Variants in DCP1A observed in about 807,000 individuals in gnomAD.
DCP1A encodes decapping mRNA 1A.
DCP1A carries 20 observed loss-of-function variants against 58.0 expected under a neutral mutation model. The observed-to-expected ratio is 0.34, with a 90% CI of 0.24 to 0.50. DCP1A has a LOEUF of 0.50. Ranked by LOEUF, DCP1A falls within the 20% of genes least tolerant of loss-of-function variation. DCP1A has a pLI of 0.98. For missense variants in DCP1A, 613 were observed against 712.2 expected (o/e 0.86, Z 1.59); for synonymous variants, 285 against 275.1 (o/e 1.04, Z -0.36).
intron 8 of DCP1A, among the ~76,000 whole-genome samples, chr3:53,289,337 G>C (rs901531540): frequency 2.6e-5 from 4 of 151,448 alleles, no homozygotes; most frequent in African/African-American, 9.7e-5. Context: ...ATGGCCGGGA[G>C]TGGTGGCTCA....
At chr3:53,324,185 G>C (rs1159049797) in intron 3 of DCP1A, among the ~76,000 whole-genome samples, 3 of 152,160 alleles carry the variant, frequency 2.0e-5, no homozygotes, top group African/African-American at 7.2e-5. Flanking sequence ...CATGTTTGCA[G>C]AAGAAATAAA....
intron 3 of DCP1A, among the ~76,000 whole-genome samples, chr3:53,334,715 C>T (rs531817374): frequency 1.3e-5 from 2 of 152,090 alleles, no homozygotes; most frequent in Admixed American, 6.6e-5. Flanking sequence ...TACTGTGGAG[C>T]GTTTGGCTGT....
Position 53,284,030 on chromosome 3 carries a change from T to C in DCP1A, c.*3550A>G, listed in dbSNP as rs1237575281. 2 of 152,194 alleles carry C rather than the reference T, an allele frequency of 1.3e-5. No homozygotes were observed. The highest frequency in any genetic ancestry group is 2.1e-4 in the South Asian group (1 of 4,834). The allele number at this position is 152,194 out of a possible 1,614,324, so 9.4% of individuals were successfully genotyped here. ...AGAGACTTGAGAACACAGGGCACTATTGGTTCCAGAAGATACACTGAACGC... is the reference window on the plus strand; with the variant it reads ...AGAGACTTGAGAACACAGGGCACTACTGGTTCCAGAAGATACACTGAACGC... On this transcript the variant is annotated 3_prime_UTR_variant, in exon 10 of 10. Transcript: ENST00000610213.
intron 3 of DCP1A, among the ~76,000 whole-genome samples, chr3:53,338,991 A>G (rs1575622577): frequency 6.6e-6 from 1 of 152,318 alleles, no homozygotes; most frequent in African/African-American, 2.4e-5. Flanking sequence ...TTGGATATGA[A>G]GGTGTCACTT....
Position 53,342,187 on chromosome 3 carries a change from T to C in DCP1A, c.261A>G (p.Glu87=). ...NLVEPVNKDL[E]FQLHEPFLLY... ...GAAGAAATGGTTCATGGAGCTGAAA[T>C]TCCAAATCTTTATTCACTGGTTCAA... Residue 87 remains glutamate, a synonymous_variant, in exon 3 of 10, where the codon GAA becomes GAG. Coordinates refer to ENST00000610213, the MANE Select transcript of DCP1A (RefSeq NM_018403.7). The C allele has an allele frequency of 1.9e-6, 3 of 1,604,466 alleles. No individual in the cohort carries two copies. Among genetic ancestry groups the C allele is most frequent in the Non-Finnish European group, 2.6e-6 (3 of 1,174,464 alleles).
At chr3:53,343,237 A>C (rs1553692789) in intron 2 of DCP1A, among the ~76,000 whole-genome samples, 1 of 152,256 alleles carries the variant, frequency 6.6e-6, no homozygotes, top group East Asian at 1.9e-4. Flanking sequence ...ACTAGGATTC[A>C]GTTTCAGGTT....
chr3:53,341,323 C>T lies in DCP1A; in HGVS notation c.304+821G>A, dbSNP rs976644765. On this transcript the variant is annotated intron_variant, in intron 3 of 9. Transcript: ENST00000610213. ...CAAAAAAATTAGCCAGGCGTGGTGG[C>T]GGGTGCCTGTAGTCCCAGCTACTTG... Among the ~76,000 whole-genome samples, 8 of 152,012 alleles carry T rather than the reference C, an allele frequency of 5.3e-5. No individual in the cohort carries two copies. In the South Asian group the frequency reaches 1.5e-3, roughly 28 times the overall value.
intron 2 of DCP1A, among the ~76,000 whole-genome samples, chr3:53,343,676 A>T (rs552343988): frequency 1.3e-5 from 2 of 152,120 alleles, no homozygotes; most frequent in Admixed American, 6.5e-5. Flanking sequence ...CAGTGGCACG[A>T]CCTCGGCTCA....
intron 3 of DCP1A, among the ~76,000 whole-genome samples, chr3:53,322,732 T>C (rs968910521): frequency 6.6e-6 from 1 of 151,820 alleles, no homozygotes; most frequent in Admixed American, 6.6e-5. Context: ...AGTGGTGCAC[T>C]ACCTGAAGGA....
At chr3:53,293,067 AG>A (rs1706985433) in intron 6 of DCP1A, among the ~76,000 whole-genome samples, 1 of 152,198 alleles carries the variant, frequency 6.6e-6, no homozygotes, top group Non-Finnish European at 1.5e-5. Flanking sequence ...TCTGGGTAGC[AG>A]GATCAGAATT....
intron 4 of DCP1A, among the ~76,000 whole-genome samples, chr3:53,318,767 A>G (rs937665499): frequency 2.0e-5 from 3 of 152,218 alleles, no homozygotes; most frequent in Non-Finnish European, 4.4e-5. Flanking sequence ...AACACAACCC[A>G]TGAGTGGATT....
intron 6 of DCP1A, among the ~76,000 whole-genome samples, chr3:53,298,967 G>A (rs782683199): frequency 1.3e-5 from 2 of 152,220 alleles, no homozygotes; most frequent in Non-Finnish European, 2.9e-5. Context: ...TAGCCTAGAA[G>A]CCATAGGCTA....
intron 5 of DCP1A, among the ~76,000 whole-genome samples, chr3:53,305,741 A>G (rs1314430521): frequency 6.6e-6 from 1 of 152,170 alleles, no homozygotes; most frequent in African/African-American, 2.4e-5. Flanking sequence ...TTATAGTTTT[A>G]TATTTTACAT....
At chr3:53,313,130 G>A (rs1310671769) in intron 4 of DCP1A, among the ~76,000 whole-genome samples, 1 of 152,134 alleles carries the variant, frequency 6.6e-6, no homozygotes, top group East Asian at 1.9e-4. Context: ...GTCAGTTCTT[G>A]AAAATAGAGG....
At chr3:53,317,242 C>T (rs141179530) in intron 4 of DCP1A, among the ~76,000 whole-genome samples, 6 of 152,208 alleles carry the variant, frequency 3.9e-5, no homozygotes, top group Admixed American at 6.5e-5. Flanking sequence ...CTTGGCTCAC[C>T]GCAACCTCCA....
chr3:53,327,293 C>T (rs552710988), intron 3 of DCP1A, among the ~76,000 whole-genome samples: 129 of 152,236 alleles, frequency 8.5e-4, no homozygotes, highest in African/African-American at 2.9e-3. Flanking sequence ...TATAAGAGAC[C>T]TCAGGGTGTG....
chr3:53,327,237 A>C (rs1022214936), intron 3 of DCP1A, among the ~76,000 whole-genome samples: 1 of 152,166 alleles, frequency 6.6e-6, no homozygotes, highest in East Asian at 1.9e-4. Flanking sequence ...CCAATTTACT[A>C]ATCGATCATC....
At chr3:53,289,524 A>C (rs1278385429) in intron 8 of DCP1A, among the ~76,000 whole-genome samples, 1 of 151,660 alleles carries the variant, frequency 6.6e-6, no homozygotes, top group Non-Finnish European at 1.5e-5. Flanking sequence ...AAGCAGGAGA[A>C]TCATTTGAAC....
chr3:53,322,014 C>T (rs1707982573), intron 3 of DCP1A, among the ~76,000 whole-genome samples: 1 of 152,144 alleles, frequency 6.6e-6, no homozygotes, highest in South Asian at 2.1e-4. Context: ...ATTTTTATAA[C>T]TATTATTTGA....
Sources: allele counts gnomAD v4.1 joint callset (sites outside exome capture counted in the v4.1 genomes callset), GRCh38; gene constraint gnomAD v4.1.1; transcripts MANE v1.5; gene names NCBI Gene and HGNC (gene_info 2026-07-23, HGNC 2026-07-21).